Variants in ANKS1B observed in about 807,000 individuals in gnomAD.
ANKS1B encodes ankyrin repeat and sterile alpha motif domain-containing protein 1B.
ANKS1B carries 36 observed loss-of-function variants against 148.3 expected under a neutral mutation model. The ratio of observed to expected loss-of-function variants is 0.24; its 90% CI spans 0.19 to 0.32. The LOEUF is 0.32. Ranked by LOEUF, ANKS1B falls within the 10% of genes least tolerant of loss-of-function variation. The pLI, the probability that ANKS1B is intolerant of heterozygous loss-of-function variation, is 1.00. For missense variants in ANKS1B, 1,157 were observed against 1,542.6 expected (o/e 0.75, Z 4.19); for synonymous variants, 542 against 560.8 (o/e 0.97, Z 0.47).
intron 1 of ANKS1B, among the ~76,000 whole-genome samples, chr12:99,928,808 G>A (rs994816762): frequency 2.6e-5 from 4 of 152,138 alleles, no homozygotes; most frequent in Non-Finnish European, 4.4e-5. Context: ...GTAACTCCAG[G>A]TGACTTTTCT....
At chr12:99,446,530 T>G (rs1219677598) in intron 10 of ANKS1B, among the ~76,000 whole-genome samples, 1 of 152,074 alleles carries the variant, frequency 6.6e-6, no homozygotes. Flanking sequence ...GAAACTCATC[T>G]CAAAGTTATA....
intron 22 of ANKS1B, among the ~76,000 whole-genome samples, chr12:98,796,998 C>A (rs756857910): frequency 6.6e-6 from 1 of 152,088 alleles, no homozygotes; most frequent in African/African-American, 2.4e-5. Flanking sequence ...ATTATCACAC[C>A]GGAGTAGCTG....
chr12:99,957,380 G>C (rs1395729172), intron 1 of ANKS1B, among the ~76,000 whole-genome samples: 3 of 151,982 alleles, frequency 2.0e-5, no homozygotes, highest in Non-Finnish European at 4.4e-5. Flanking sequence ...TTTATCAAAA[G>C]TTACTAAGAG....
intron 1 of ANKS1B, among the ~76,000 whole-genome samples, chr12:99,885,148 C>T (rs1338862589): frequency 6.6e-6 from 1 of 152,010 alleles, no homozygotes; most frequent in African/African-American, 2.4e-5. Flanking sequence ...TTCTTCCCAT[C>T]CTCTCTTCCC....
chr12:99,645,029 C>T (rs1457254883), intron 9 of ANKS1B, among the ~76,000 whole-genome samples: 2 of 152,210 alleles, frequency 1.3e-5, no homozygotes, highest in Non-Finnish European at 2.9e-5. Flanking sequence ...AGATCCTAAA[C>T]TGAATCACAT....
intron 12 of ANKS1B, among the ~76,000 whole-genome samples, chr12:99,362,905 CTTAA>C (rs1033729064): frequency 2.9e-4 from 44 of 151,914 alleles, no homozygotes; most frequent in African/African-American, 1.0e-3. Flanking sequence ...TATTTGATGA[CTTAA>C]TTAAGGGAAT....
rs71088139 is a variant in ANKS1B at position 99,692,668 on chromosome 12, C to CAAAA, written c.1129-37462_1129-37459dup. Among the ~76,000 whole-genome samples, 120 of 128,426 alleles carry CAAAA rather than the reference C, an allele frequency of 9.3e-4. No homozygotes were observed. The South Asian group carries it at 0.012, about 13-fold the overall frequency. 84.3% of individuals were successfully genotyped at this position (128,426 alleles called of 152,430 possible). ...CCTGGGTGACAGAGCAAGATTCTGT[C>CAAAA]AAAAAAAAAAAAAAAAGGAAAAGAA... On this transcript the variant is annotated intron_variant, in intron 8 of 26. Transcript: ENST00000683438.
intron 17 of ANKS1B, among the ~76,000 whole-genome samples, chr12:98,967,811 C>A (rs2099879833): frequency 6.6e-6 from 1 of 151,080 alleles, no homozygotes; most frequent in East Asian, 1.9e-4. Flanking sequence ...ATCATACAGT[C>A]CTTTATCAAA....
At position 99,262,576 on chromosome 12, in the gene ANKS1B, T is replaced by C. The variant is rs1007538968; in HGVS notation, c.1757-15712A>G. Among the ~76,000 whole-genome samples, 4 of 152,084 alleles carry C rather than the reference T, an allele frequency of 2.6e-5. No homozygotes were observed. In the East Asian group the frequency reaches 5.8e-4, roughly 22 times the overall value. On this transcript the variant is annotated intron_variant, in intron 12 of 26. Transcript: ENST00000683438. ...GAAAGACACTCATAATTCCAACACC[T>C]AACAAAAGTTACTATTAACATTTTT...
intron 17 of ANKS1B, among the ~76,000 whole-genome samples, chr12:98,832,444 C>T (rs2099326832): frequency 6.6e-6 from 1 of 152,122 alleles, no homozygotes; most frequent in Non-Finnish European, 1.5e-5. Context: ...CAGCCGAAAC[C>T]TCACAGGATA....
chr12:98,831,931 C>A (rs1383611774), intron 18 of ANKS1B, 98 bp downstream of exon 18: 1 of 1,151,456 alleles, frequency 8.7e-7, no homozygotes, highest in Non-Finnish European at 1.3e-6. Context: ...TTTCTGTTTT[C>A]AGTAGAGGCA....
chr12:98,903,754 A>G (rs2099775292), intron 17 of ANKS1B, among the ~76,000 whole-genome samples: 3 of 152,178 alleles, frequency 2.0e-5, no homozygotes, highest in Non-Finnish European at 4.4e-5. Context: ...TTCAGCAGGG[A>G]ACTTAAGTAT....
At chr12:99,897,041 T>C (rs1469297134) in intron 1 of ANKS1B, among the ~76,000 whole-genome samples, 1 of 151,290 alleles carries the variant, frequency 6.6e-6, no homozygotes, top group Non-Finnish European at 1.5e-5. Flanking sequence ...TATTTACTTT[T>C]CTCTTAAAAC....
At chr12:99,396,704 G>A (rs991442905) in intron 12 of ANKS1B, among the ~76,000 whole-genome samples, 2 of 152,084 alleles carry the variant, frequency 1.3e-5, no homozygotes, top group South Asian at 2.1e-4. Flanking sequence ...GAGAAAAGGC[G>A]CCAGGGCTTT....
intron 8 of ANKS1B, among the ~76,000 whole-genome samples, chr12:99,666,796 A>G (rs58244348): frequency 0.036 from 5,473 of 151,936 alleles, 349 homozygotes; most frequent in African/African-American, 0.12. Flanking sequence ...CTATATGTAT[A>G]ATTGTGAATT....
At chr12:99,742,393 A>T (rs1000759041) in intron 8 of ANKS1B, among the ~76,000 whole-genome samples, 2 of 152,184 alleles carry the variant, frequency 1.3e-5, no homozygotes, top group African/African-American at 4.8e-5. Flanking sequence ...AAAAAATATA[A>T]TTTTTTAAAA....
At chr12:99,046,272 T>TA (rs997240694) in intron 17 of ANKS1B, among the ~76,000 whole-genome samples, 39 of 148,956 alleles carry the variant, frequency 2.6e-4, no homozygotes, top group South Asian at 6.3e-4. Flanking sequence ...TCTGTAGGAA[T>TA]AAAAAAAAAA....
chr12:99,662,378 C>T (rs2098481878), intron 8 of ANKS1B, among the ~76,000 whole-genome samples: 1 of 152,116 alleles, frequency 6.6e-6, no homozygotes, highest in Non-Finnish European at 1.5e-5. Context: ...ATCTCCTATC[C>T]TTAGTCCATA....
chr12:99,675,840 T>C (rs1233575170), intron 8 of ANKS1B, among the ~76,000 whole-genome samples: 1 of 152,152 alleles, frequency 6.6e-6, no homozygotes, highest in African/African-American at 2.4e-5. Flanking sequence ...TTACTATAAG[T>C]AAAATTTCAT....
Sources: allele counts gnomAD v4.1 joint callset (sites outside exome capture counted in the v4.1 genomes callset), GRCh38; gene constraint gnomAD v4.1.1; transcripts MANE v1.5; gene names NCBI Gene and HGNC (gene_info 2026-07-23, HGNC 2026-07-21).